Variants in GFI1B observed in about 807,000 individuals in gnomAD.
GFI1B encodes zinc finger protein Gfi-1b.
GFI1B carries 20 observed loss-of-function variants against 35.3 expected under a neutral mutation model. The ratio of observed to expected loss-of-function variants is 0.57; its 90% CI spans 0.40 to 0.82. The LOEUF (loss-of-function observed/expected upper bound fraction) is 0.82, where lower values mean the gene tolerates loss of function less well. GFI1B is among the 40% of genes least tolerant of loss of function. The probability of loss-of-function intolerance (pLI) is 0.00; values close to 1 mark genes in which losing one functional copy is unlikely to be tolerated. For synonymous variants in GFI1B, 178 were observed against 177.6 expected, an observed-to-expected ratio of 1.00 and a Z score of -0.02; for missense variants, 430 against 446.3, an observed-to-expected ratio of 0.96 and a Z score of 0.33.
Position 132,990,816 on chromosome 9 carries a change from G to A in GFI1B, c.815-56G>A, listed in dbSNP as rs115262338. The A allele has an allele frequency of 1.4e-3, 2,161 of 1,544,060 alleles. 32 individuals are homozygous for A. The African/African-American group carries it at 0.025, about 18-fold the overall frequency. On this transcript the variant is annotated intron_variant, in intron 6 of 6. Transcript: ENST00000372122. ...CGGGGGCAGGGCAGGGGAGCAGCAG[G>A]CCTGGTGAGGAGGCCCTGACCCCGC...
At chr9:132,974,601 C>CAAAAAAA (rs11243966), upstream of GFI1B, among the ~76,000 whole-genome samples, 228 of 79,836 alleles carry the variant, frequency 2.9e-3, 6 homozygotes, top group African/African-American at 0.012. Context: ...GAATCCGTCT[C>CAAAAAAA]AAAAAAAAAA....
chr9:132,949,301 ACACAT>A (rs942546026), intron 1 of GFI1B, among the ~76,000 whole-genome samples: 7 of 146,162 alleles, frequency 4.8e-5, no homozygotes, highest in African/African-American at 1.8e-4. Context: ...ACACACACAC[ACACAT>A]CAAGCCAAAC....
chr9:132,975,615 A>G (rs1438805125), upstream of GFI1B, among the ~76,000 whole-genome samples: 2 of 152,208 alleles, frequency 1.3e-5, no homozygotes, highest in Non-Finnish European at 2.9e-5. Flanking sequence ...AAGGAATATG[A>G]AAAGTCCGGC....
At chr9:132,970,616 G>A (rs1848519840) in intron 1 of GFI1B, among the ~76,000 whole-genome samples, 2 of 152,126 alleles carry the variant, frequency 1.3e-5, no homozygotes, top group African/African-American at 4.8e-5. Flanking sequence ...TTATGTGGTT[G>A]ACCATAGCGC....
rs540959188 is a variant in GFI1B at position 132,986,555 on chromosome 9, T to C, written c.-20-104T>C. On this transcript the variant is annotated intron_variant, in intron 1 of 6. Coordinates refer to ENST00000372122, the MANE Select transcript of GFI1B (RefSeq NM_001377304.1). Reference sequence around the variant, plus strand: ...GGACATGAACTTTGGGGGCCACTGTTCAACCCAGTATAGCTGGTGTTTTAT... The same window carrying C: ...GGACATGAACTTTGGGGGCCACTGTCCAACCCAGTATAGCTGGTGTTTTAT... 5 of 717,088 alleles carry C rather than the reference T, an allele frequency of 7.0e-6. No individual in the cohort carries two copies. In the East Asian group the frequency reaches 1.1e-4, roughly 15 times the overall value. The allele number at this position is 717,088 out of a possible 1,614,324, so 44.4% of individuals were successfully genotyped here. A position where few individuals can be genotyped will look rare whatever the true frequency, so the allele number is the denominator to read the frequency against.
At position 132,988,218 on chromosome 9, in the gene GFI1B, G is replaced by A. The variant is rs200908551; in HGVS notation, c.260G>A (p.Arg87Gln). The change falls in exon 4 of 7, where the codon CGA (arginine) becomes CAA (glutamine). Residue 87 changes from arginine to glutamine, a missense_variant. Arg to Gln is a conservative substitution (Grantham distance 43, BLOSUM62 1). Coordinates refer to ENST00000372122, the MANE Select transcript of GFI1B (RefSeq NM_001377304.1). ...PAPEGPIVLS[R>Q]PQDGDSPLSD... is the part of the protein sequence containing the mutation. ...ACAGAGGGCCCCATTGTGCTGTCCC[G>A]ACCCCAGGATGGGGACTCTCCACTG... 54 of 1,613,808 alleles carry A rather than the reference G, an allele frequency of 3.3e-5. No individual in the cohort carries two copies. The highest frequency in any genetic ancestry group is 6.7e-5 in the Admixed American group (4 of 59,988).
At chr9:132,993,280 G>A (rs1253424400), downstream of GFI1B, among the ~76,000 whole-genome samples, 1 of 152,154 alleles carries the variant, frequency 6.6e-6, no homozygotes, top group African/African-American at 2.4e-5. Flanking sequence ...GGGCAACAGA[G>A]CAAGACTCCA....
At chr9:132,950,820 T>C (rs942483386) in intron 1 of GFI1B, among the ~76,000 whole-genome samples, 2 of 145,476 alleles carry the variant, frequency 1.4e-5, no homozygotes, top group Non-Finnish European at 3.0e-5. Context: ...TGTATGGGGT[T>C]TTTTGTTGTT....
intron 1 of GFI1B, among the ~76,000 whole-genome samples, chr9:132,946,427 G>A (rs1411780891): frequency 6.6e-6 from 1 of 152,122 alleles, no homozygotes; most frequent in African/African-American, 2.4e-5. Flanking sequence ...TAACTGTTAA[G>A]TGCCAGCTGT....
chr9:132,968,846 C>T (rs1391393175), intron 1 of GFI1B, among the ~76,000 whole-genome samples: 6 of 152,180 alleles, frequency 3.9e-5, no homozygotes, highest in East Asian at 1.9e-4. Flanking sequence ...TATTTTTAAG[C>T]GTATAGTTCA....
intron 1 of GFI1B, among the ~76,000 whole-genome samples, chr9:132,980,441 G>A (rs1191131317): frequency 6.6e-6 from 1 of 152,194 alleles, no homozygotes; most frequent in African/African-American, 2.4e-5. Flanking sequence ...CAAGCCAATG[G>A]GAGCTGCTTT....
At chr9:132,977,665 AGAG>A (rs1848670419), upstream of GFI1B, among the ~76,000 whole-genome samples, 1 of 152,122 alleles carries the variant, frequency 6.6e-6, no homozygotes, top group South Asian at 2.1e-4. Flanking sequence ...GGCGGGGGCC[AGAG>A]GAGGAGGGAG....
chr9:132,991,087 T>C lies in GFI1B; in HGVS notation c.*37T>C. ...CTCCCAGCTCCTGGCCAGCCTGCCC[T>C]GCGGTCCTGTCACCTGGAGGCCAGC... On this transcript the variant is annotated 3_prime_UTR_variant, in exon 7 of 7. Transcript: ENST00000372122. 1 of 1,593,574 alleles carries C rather than the reference T, an allele frequency of 6.3e-7. No individual in the cohort carries two copies. The highest frequency in any genetic ancestry group is 8.6e-7 in the Non-Finnish European group (1 of 1,167,060).
At chr9:132,967,712 A>G (rs1387927665) in intron 1 of GFI1B, among the ~76,000 whole-genome samples, 4 of 152,174 alleles carry the variant, frequency 2.6e-5, no homozygotes, top group African/African-American at 9.7e-5. Context: ...GTATGGGTGA[A>G]GTGTCATGAT....
chr9:132,985,611 G>T (rs376128028), intron 1 of GFI1B, among the ~76,000 whole-genome samples: 9 of 152,256 alleles, frequency 5.9e-5, no homozygotes, highest in Admixed American at 5.2e-4. Context: ...TGTGGCTTGC[G>T]GCTTGCAGGA....
intron 1 of GFI1B, among the ~76,000 whole-genome samples, chr9:132,984,753 C>A (rs1181065823): frequency 6.6e-6 from 1 of 152,202 alleles, no homozygotes; most frequent in African/African-American, 2.4e-5. Context: ...CAGGCAAGGG[C>A]TGGGCCTGAG....
chr9:132,988,632 G>A (rs757147654), intron 4 of GFI1B, among the ~76,000 whole-genome samples, 164 bp downstream of exon 4: 11 of 152,188 alleles, frequency 7.2e-5, no homozygotes, highest in Admixed American at 5.2e-4. Flanking sequence ...CTCTGACCAC[G>A]TGCCTGGCCC....
At chr9:132,956,377 C>T (rs1446767499) in intron 1 of GFI1B, among the ~76,000 whole-genome samples, 1 of 152,098 alleles carries the variant, frequency 6.6e-6, no homozygotes, top group Non-Finnish European at 1.5e-5. Flanking sequence ...TTCTAAAAAG[C>T]TTTGCTTAGC....
Position 132,948,456 on chromosome 9 carries a change from C to T in GFI1B, c.-701+2787C>T, listed in dbSNP as rs78284827. The stretch of plus-strand genomic sequence containing the variant: ...ATGCTAGTTTCATTGGATTTCTGAC[C>T]CTCATCAACAAAAGGCCTTCTGGAT... On this transcript the variant is annotated intron_variant, in intron 1 of 10. Transcript: ENST00000339463. Among the ~76,000 whole-genome samples, 934 of 152,274 alleles carry T rather than the reference C, an allele frequency of 6.1e-3. 6 individuals are homozygous for T. Among genetic ancestry groups the T allele is most frequent in the African/African-American group, 0.021 (882 of 41,548 alleles).
Sources: allele counts gnomAD v4.1 joint callset (sites outside exome capture counted in the v4.1 genomes callset), GRCh38; gene constraint gnomAD v4.1.1; transcripts MANE v1.5; gene names NCBI Gene and HGNC (gene_info 2026-07-23, HGNC 2026-07-21).